RIMS1: variants seen among roughly 807,000 people sequenced by gnomAD.
RIMS1 encodes regulating synaptic membrane exocytosis protein 1.
A neutral mutation model predicts 214.1 loss-of-function variants in RIMS1; 83 were observed. The observed-to-expected ratio is 0.39, with a 90% CI of 0.32 to 0.47. The LOEUF is 0.47. RIMS1 is among the 20% of genes least tolerant of loss of function. RIMS1 has a pLI of 0.99. For synonymous variants in RIMS1, 793 were observed against 786.8 expected, an observed-to-expected ratio of 1.01 and a Z score of -0.13; for missense variants, 2,050 against 2,161.8, an observed-to-expected ratio of 0.95 and a Z score of 1.03.
At chr6:72,178,553 A>T (rs930515486) in intron 4 of RIMS1, among the ~76,000 whole-genome samples, 8 of 152,336 alleles carry the variant, frequency 5.3e-5, no homozygotes, top group African/African-American at 1.4e-4. Context: ...TTTCCTGTGG[A>T]GGTAGTTTCT....
At chr6:72,200,626 G>A (rs769035666) in intron 6 of RIMS1, among the ~76,000 whole-genome samples, 7 of 152,122 alleles carry the variant, frequency 4.6e-5, no homozygotes, top group Admixed American at 2.0e-4. Flanking sequence ...GATGAGAATA[G>A]GCATAAAACA....
intron 4 of RIMS1, among the ~76,000 whole-genome samples, chr6:72,156,353 A>G (rs1434373286): frequency 7.1e-6 from 1 of 141,088 alleles, no homozygotes; most frequent in Non-Finnish European, 1.6e-5. Context: ...GTTAAGTGAA[A>G]TAAGCTAGAA....
chr6:71,996,531 A>G (rs1803483902), intron 2 of RIMS1, among the ~76,000 whole-genome samples: 1 of 152,232 alleles, frequency 6.6e-6, no homozygotes, highest in Non-Finnish European at 1.5e-5. Context: ...TCTCTTTCCT[A>G]ATTTGTACTT....
At chr6:71,951,871 C>T (rs1327968121) in intron 1 of RIMS1, among the ~76,000 whole-genome samples, 1 of 152,072 alleles carries the variant, frequency 6.6e-6, no homozygotes, top group African/African-American at 2.4e-5. Context: ...AGTCTTTTGA[C>T]TCCTTGCCCT....
rs1594575841 is a variant in RIMS1, at chr6:72,344,659, A to G, written c.4366+10824A>G. ...AAATGATTCTCAAGTTGGCGAAACC[A>G]TCAAATGAATGTAAGCATGGGTTCT... On this transcript the variant is annotated intron_variant, in intron 29 of 33. Transcript: ENST00000521978. 2.6e-5 allele frequency among the ~76,000 whole-genome samples: 4 copies of G among 151,950 alleles called. No homozygotes were observed. The South Asian group carries it at 8.3e-4, about 31-fold the overall frequency.
At chr6:72,173,314 G>A (rs534794304) in intron 4 of RIMS1, among the ~76,000 whole-genome samples, 5 of 151,550 alleles carry the variant, frequency 3.3e-5, no homozygotes, top group African/African-American at 1.2e-4. Context: ...TTTTATCTTG[G>A]TGGTTTCTTT....
rs1412970126 is a variant in RIMS1 at position 72,123,300 on chromosome 6, C to G, written c.471+23314C>G. Among the ~76,000 whole-genome samples, 3 of 151,922 alleles carry G rather than the reference C, an allele frequency of 2.0e-5. No homozygotes were observed. The South Asian group carries it at 6.2e-4, about 32-fold the overall frequency. ...AGCTGTTTTGAGTGAGTTTCTTAAT[C>G]CTGAGTTCTAGTTTGATTGCACTGT... On this transcript the variant is annotated intron_variant, in intron 4 of 33. Transcript: ENST00000521978.
chr6:72,198,208 G>T (rs1819064), intron 6 of RIMS1, among the ~76,000 whole-genome samples: 107,727 of 151,950 alleles, frequency 0.71, 38,535 homozygotes, highest in East Asian at 0.84. Context: ...AAACTAAGTG[G>T]CCATCGGTGC....
intron 2 of RIMS1, among the ~76,000 whole-genome samples, chr6:72,074,796 A>G (rs1225496943): frequency 3.9e-5 from 6 of 152,234 alleles, no homozygotes; most frequent in Non-Finnish European, 8.8e-5. Context: ...TGCTGCTGTA[A>G]ACAGTAAGTA....
At chr6:72,022,439 T>A (rs1467839966) in intron 2 of RIMS1, among the ~76,000 whole-genome samples, 1 of 152,200 alleles carries the variant, frequency 6.6e-6, no homozygotes, top group East Asian at 1.9e-4. Flanking sequence ...GAGTAGGTGA[T>A]CCACCTTTCT....
chr6:72,200,022 C>T (rs1402473650), intron 6 of RIMS1, among the ~76,000 whole-genome samples: 1 of 151,878 alleles, frequency 6.6e-6, no homozygotes, highest in Non-Finnish European at 1.5e-5. Context: ...TAATTTTTAT[C>T]ATATGCATGC....
chr6:72,244,975 G>T (rs1380615319), intron 10 of RIMS1, among the ~76,000 whole-genome samples: 1 of 151,884 alleles, frequency 6.6e-6, no homozygotes, highest in Non-Finnish European at 1.5e-5. Flanking sequence ...TTTGCATATT[G>T]TTAATCTTAA....
At chr6:72,330,671 A>G (rs1449392702) in intron 28 of RIMS1, among the ~76,000 whole-genome samples, 1 of 151,784 alleles carries the variant, frequency 6.6e-6, no homozygotes, top group Non-Finnish European at 1.5e-5. Context: ...GTCTTAAAAG[A>G]TTCAGATATG....
intron 28 of RIMS1, among the ~76,000 whole-genome samples, chr6:72,332,085 C>T (rs2096679468): frequency 6.6e-6 from 1 of 151,748 alleles, no homozygotes; most frequent in African/African-American, 2.4e-5. Context: ...AAACTTGTTA[C>T]ATAATCCCAA....
At chr6:71,940,786 A>G (rs1318589720) in intron 1 of RIMS1, among the ~76,000 whole-genome samples, 1 of 152,180 alleles carries the variant, frequency 6.6e-6, no homozygotes, top group Non-Finnish European at 1.5e-5. Flanking sequence ...CCCATTCCAC[A>G]GAGAAGGGAG....
intron 31 of RIMS1, among the ~76,000 whole-genome samples, chr6:72,396,415 T>C (rs553836830): frequency 7.3e-4 from 111 of 152,248 alleles, no homozygotes; most frequent in African/African-American, 2.6e-3. Context: ...TTTGGTGCAG[T>C]CACCAATTGG....
At chr6:72,372,479 T>G (rs1234342012) in intron 29 of RIMS1, among the ~76,000 whole-genome samples, 1 of 152,248 alleles carries the variant, frequency 6.6e-6, no homozygotes, top group African/African-American at 2.4e-5. Context: ...ATGCTCTTTT[T>G]TCCTGAGATT....
At chr6:72,057,341 CA>C (rs373301557) in intron 2 of RIMS1, among the ~76,000 whole-genome samples, 1,749 of 152,188 alleles carry the variant, frequency 0.011, 9 homozygotes, top group Non-Finnish European at 0.017. Flanking sequence ...AAAACTGTGG[CA>C]TATATTATCT....
At chr6:72,195,821 A>G (rs946652420) in intron 6 of RIMS1, among the ~76,000 whole-genome samples, 2 of 152,178 alleles carry the variant, frequency 1.3e-5, no homozygotes, top group Admixed American at 6.5e-5. Context: ...TAGTTGACTC[A>G]TAATTCTGCA....
Sources: allele counts gnomAD v4.1 joint callset (sites outside exome capture counted in the v4.1 genomes callset), GRCh38; gene constraint gnomAD v4.1.1; transcripts MANE v1.5; gene names NCBI Gene and HGNC (gene_info 2026-07-23, HGNC 2026-07-21).